The following CDH8 variants were observed in gnomAD, a reference collection of about 807,000 sequenced individuals.
CDH8 encodes the protein cadherin-8.
CDH8 carries 17 observed loss-of-function variants against 68.1 expected under a neutral mutation model. The observed-to-expected ratio is 0.25, with a 90% confidence interval of 0.17 to 0.37. The LOEUF (loss-of-function observed/expected upper bound fraction) is 0.37, where lower values mean the gene tolerates loss of function less well. Among genes scored for constraint, CDH8 ranks in the 10% least tolerant of loss-of-function variants. CDH8 has a pLI of 1.00. For synonymous variants in CDH8, 372 were observed against 365.1 expected (o/e 1.02, Z -0.21); for missense variants, 763 against 999.3 (o/e 0.76, Z 3.19).
rs71707137 is a variant in CDH8, at chr16:61,822,205, C to CTTTT, written c.836-1096_836-1093dup. ...TGTAGTAACTGGCTCAAAAACGCAC[C>CTTTT]TTTTTTTTTTTTTTTTTTTTTTTTT... On this transcript the variant is annotated intron_variant, in intron 5 of 11. Transcript: ENST00000577390. Among the ~76,000 whole-genome samples the CTTTT allele has an allele frequency of 1.1e-3, 50 of 45,626 alleles. 3 individuals are homozygous for CTTTT. The highest frequency in any genetic ancestry group is 6.5e-3 in the East Asian group (8 of 1,230). 29.9% of individuals were successfully genotyped at this position (45,626 alleles called of 152,430 possible).
chr16:61,992,077 T>TGTGTGTGTGTGA (rs34925928), intron 2 of CDH8, among the ~76,000 whole-genome samples: 37,176 of 143,322 alleles, frequency 0.26, 5,625 homozygotes, highest in East Asian at 0.38. Context: ...TGTGTGTGTG[T>TGTGTGTGTGTGA]GAGAGAGAGA....
chr16:61,839,305 A>C (rs1220130376), intron 4 of CDH8, among the ~76,000 whole-genome samples: 1 of 152,128 alleles, frequency 6.6e-6, no homozygotes, highest in Non-Finnish European at 1.5e-5. Context: ...TTCTGAACCT[A>C]TCAATCAGCC....
chr16:61,849,795 T>C (rs1219761706), intron 4 of CDH8, among the ~76,000 whole-genome samples: 1 of 152,184 alleles, frequency 6.6e-6, no homozygotes, highest in Non-Finnish European at 1.5e-5. Context: ...AGGACTTTTC[T>C]ACCTACCAAC....
At chr16:61,810,973 G>A (rs531190511) in intron 7 of CDH8, among the ~76,000 whole-genome samples, 1 of 148,290 alleles carries the variant, frequency 6.7e-6, no homozygotes, top group Non-Finnish European at 1.5e-5. Flanking sequence ...GCAGTGAGCC[G>A]AGATTGTGCC....
At chr16:62,009,522 C>T (rs1393391679) in intron 2 of CDH8, among the ~76,000 whole-genome samples, 1 of 152,132 alleles carries the variant, frequency 6.6e-6, no homozygotes, top group Non-Finnish European at 1.5e-5. Flanking sequence ...AGGGTACAAG[C>T]GTTTTGTCTT....
Position 61,654,097 on chromosome 16 carries a change from G to A in CDH8, c.1911C>T (p.Ile637=), listed in dbSNP as rs28599533. The A allele has an allele frequency of 1.1e-3, 1,713 of 1,608,788 alleles. 23 individuals are homozygous for A. In the African/African-American group the frequency reaches 0.02, roughly 19 times the overall value. ...ILACIILLLV[I]VVLFVTLRRH... Reference sequence around the variant, plus strand: ...GCCGTAGAGTTACAAACAGCACCACGATGACTAGAGGAAAAATATTAAATA... The same window carrying A: ...GCCGTAGAGTTACAAACAGCACCACAATGACTAGAGGAAAAATATTAAATA... Residue 637 remains isoleucine (I), a synonymous_variant, in exon 12 of 12, where the codon ATC becomes ATT. Coordinates refer to ENST00000577390, the MANE Select transcript of CDH8 (RefSeq NM_001796.5).
chr16:61,752,767 A>C (rs1596933224), intron 8 of CDH8, among the ~76,000 whole-genome samples: 3 of 152,358 alleles, frequency 2.0e-5, no homozygotes, highest in South Asian at 4.1e-4. Flanking sequence ...GATACAGTGC[A>C]TGCTACAAGT....
intron 2 of CDH8, among the ~76,000 whole-genome samples, chr16:61,928,211 A>C (rs1055192262): frequency 6.6e-6 from 1 of 152,204 alleles, no homozygotes; most frequent in African/African-American, 2.4e-5. Flanking sequence ...TCTTGATGTG[A>C]ATCAGTTTAT....
intron 10 of CDH8, among the ~76,000 whole-genome samples, chr16:61,670,912 A>G (rs1339947722): frequency 6.6e-6 from 1 of 152,072 alleles, no homozygotes; most frequent in African/African-American, 2.4e-5. Context: ...TGCACAATTT[A>G]TAACTTATGA....
chr16:61,808,778 CA>C (rs1961867157), intron 7 of CDH8, among the ~76,000 whole-genome samples: 2 of 152,106 alleles, frequency 1.3e-5, no homozygotes, highest in African/African-American at 2.4e-5. Context: ...TAGGGGGTGA[CA>C]AAGTTTTTTG....
At chr16:62,002,421 A>G (rs948919320) in intron 2 of CDH8, among the ~76,000 whole-genome samples, 4 of 152,196 alleles carry the variant, frequency 2.6e-5, no homozygotes, top group African/African-American at 4.8e-5. Context: ...GAACTATACG[A>G]CTTCATTAAA....
chr16:61,712,603 C>T (rs1567435787), intron 10 of CDH8, among the ~76,000 whole-genome samples: 2 of 151,352 alleles, frequency 1.3e-5, no homozygotes, highest in Admixed American at 6.6e-5. Context: ...ATTGGTGATG[C>T]TAATAAATAA....
intron 2 of CDH8, among the ~76,000 whole-genome samples, chr16:61,979,350 CATTG>C (rs2150581607): frequency 6.6e-6 from 1 of 152,282 alleles, no homozygotes; most frequent in African/African-American, 2.4e-5. Flanking sequence ...GAACTTCTCT[CATTG>C]ATTAATAAAA....
At chr16:61,728,666 T>C (rs1479418466) in intron 8 of CDH8, among the ~76,000 whole-genome samples, 1 of 151,148 alleles carries the variant, frequency 6.6e-6, no homozygotes, top group Non-Finnish European at 1.5e-5. Context: ...TCAACAAAAC[T>C]CTAGGAAGTT....
intron 2 of CDH8, among the ~76,000 whole-genome samples, chr16:61,981,681 T>TGCGCGCGCGC (rs1555526842): frequency 6.5e-4 from 92 of 141,852 alleles, no homozygotes; most frequent in African/African-American, 2.4e-3. Flanking sequence ...TGTGTGTGTG[T>TGCGCGCGCGC]GCGCGCGCGC....
rs113956818 is a variant in CDH8, at chr16:62,008,374, G to A, written c.252+12778C>T. 5.6e-3 allele frequency among the ~76,000 whole-genome samples: 852 copies of A among 152,230 alleles called. 9 individuals are homozygous for A. Among genetic ancestry groups the A allele is most frequent in the African/African-American group, 0.018 (758 of 41,538 alleles). On this transcript the variant is annotated intron_variant, in intron 2 of 11. Coordinates refer to ENST00000577390, the MANE Select transcript of CDH8 (RefSeq NM_001796.5). Reference sequence around the variant, plus strand: ...TGTCGTACCATCTCATTTTGTTTACGTGAATGTGATGATGGGGAGCTGGGA... The same window carrying A: ...TGTCGTACCATCTCATTTTGTTTACATGAATGTGATGATGGGGAGCTGGGA...
At chr16:61,881,104 A>C (rs1392541148) in intron 3 of CDH8, among the ~76,000 whole-genome samples, 1 of 152,184 alleles carries the variant, frequency 6.6e-6, no homozygotes, top group Non-Finnish European at 1.5e-5. Context: ...TGAAACCTTG[A>C]TTGCAGCCCA....
At chr16:61,932,534 A>G (rs979258014) in intron 2 of CDH8, among the ~76,000 whole-genome samples, 2 of 152,124 alleles carry the variant, frequency 1.3e-5, no homozygotes, top group Non-Finnish European at 2.9e-5. Context: ...AGTGACCCAG[A>G]ACTCTCTCAG....
intron 8 of CDH8, among the ~76,000 whole-genome samples, chr16:61,776,075 C>T (rs953667666): frequency 2.6e-5 from 4 of 151,950 alleles, no homozygotes; most frequent in African/African-American, 2.4e-5. Context: ...TAAGAGTTGG[C>T]AAGCACCAGG....
Sources: gnomAD v4.1 joint callset for allele counts (sites outside exome capture counted in the v4.1 genomes callset) on GRCh38, gnomAD v4.1.1 for gene constraint, MANE v1.5 for transcripts, NCBI Gene and HGNC (gene_info 2026-07-23, HGNC 2026-07-21) for gene names.